NEBL: variants seen among roughly 807,000 people sequenced by gnomAD.
The protein encoded by NEBL is LIM and SH3 protein 2.
Under a neutral mutation model 140.2 loss-of-function variants are expected in NEBL, and 122 were observed. The ratio of observed to expected loss-of-function variants is 0.87; its 90% CI spans 0.75 to 1.01. The LOEUF is 1.01. Ranked by LOEUF, NEBL falls within the 50% of genes least tolerant of loss-of-function variation. The pLI, the probability that NEBL is intolerant of heterozygous loss-of-function variation, is 0.00. For synonymous variants in NEBL, 436 were observed against 398.9 expected, an observed-to-expected ratio of 1.09 and a Z score of -1.11; for missense variants, 1,365 against 1,231.3, an observed-to-expected ratio of 1.11 and a Z score of -1.62.
intron 4 of NEBL, among the ~76,000 whole-genome samples, chr10:20,927,192 A>G (rs74120528): frequency 0.019 from 2,905 of 152,256 alleles, 83 homozygotes; most frequent in African/African-American, 0.065. Flanking sequence ...AGAAGAATAA[A>G]AGGAATGGAC....
intron 24 of NEBL, 35 bp from the exon 25 acceptor site, chr10:20,809,933 G>C: frequency 6.2e-6 from 5 of 808,182 alleles, no homozygotes; most frequent in Non-Finnish European, 9.3e-6. Flanking sequence ...CACTCATCAA[G>C]AAGGAATTTA....
intron 2 of NEBL, among the ~76,000 whole-genome samples, chr10:21,052,704 C>T (rs922927767): frequency 2.0e-5 from 3 of 152,194 alleles, no homozygotes; most frequent in African/African-American, 7.2e-5. Context: ...TCAGGAAGAG[C>T]AGTGCCGCTC....
intron 2 of NEBL, among the ~76,000 whole-genome samples, chr10:21,136,757 C>A (rs188332989): frequency 6.6e-6 from 1 of 152,298 alleles, no homozygotes; most frequent in East Asian, 1.9e-4. Flanking sequence ...CTTCCCAAAC[C>A]AGCAAATATT....
At chr10:20,938,010 G>A (rs918287171) in intron 4 of NEBL, among the ~76,000 whole-genome samples, 9 of 152,316 alleles carry the variant, frequency 5.9e-5, no homozygotes, top group East Asian at 1.9e-4. Context: ...TCCACCTCTC[G>A]GGGCAGGGCA....
intron 3 of NEBL, among the ~76,000 whole-genome samples, chr10:21,188,263 C>T (rs555931715): frequency 1.3e-5 from 2 of 152,282 alleles, no homozygotes; most frequent in South Asian, 4.1e-4. Context: ...AAGCTCCCTA[C>T]ATGCCCAATC....
At chr10:20,806,340 C>T (rs975245459) in intron 26 of NEBL, among the ~76,000 whole-genome samples, 17 of 152,282 alleles carry the variant, frequency 1.1e-4, no homozygotes, top group East Asian at 3.9e-4. Context: ...AAACTGACCT[C>T]GGGTGCGGCC....
At chr10:20,866,891 A>G (rs1283137462) in intron 7 of NEBL, among the ~76,000 whole-genome samples, 1 of 152,006 alleles carries the variant, frequency 6.6e-6, no homozygotes, top group Non-Finnish European at 1.5e-5. Context: ...CCCTTTTTCT[A>G]CTGAGCCGTT....
intron 3 of NEBL, among the ~76,000 whole-genome samples, chr10:21,219,348 C>T (rs757336731): frequency 9.9e-5 from 15 of 152,144 alleles, no homozygotes; most frequent in African/African-American, 2.9e-4. Context: ...ATGTATATTT[C>T]GGAGGCTAAA....
At chr10:21,201,544 A>G (rs1479482399) in intron 3 of NEBL, among the ~76,000 whole-genome samples, 1 of 152,260 alleles carries the variant, frequency 6.6e-6, no homozygotes, top group Non-Finnish European at 1.5e-5. Flanking sequence ...TACAAAAATT[A>G]TAAACACAAA....
chr10:20,809,817 T>TC lies in NEBL; in HGVS notation c.2599_2600insG (p.His867ArgfsTer5). ...AAAGTGAGTAATACCAGAGAGCATA[T>TC]GGAGACTTCTAGACTGAATATTGTC... is the stretch of plus-strand genomic sequence containing the variant. On this transcript the variant is annotated frameshift_variant, in exon 25 of 28. Coordinates refer to ENST00000377122, the MANE Select transcript of NEBL (RefSeq NM_006393.3). LOFTEE classifies it high-confidence loss of function. The TC allele has an allele frequency of 6.2e-7, 1 of 1,608,658 alleles. No homozygotes were observed. The highest frequency in any genetic ancestry group is 1.7e-5 in the Admixed American group (1 of 59,962).
intron 1 of NEBL, among the ~76,000 whole-genome samples, chr10:21,262,660 C>T (rs1417267652): frequency 2.0e-5 from 3 of 152,138 alleles, no homozygotes; most frequent in African/African-American, 7.2e-5. Context: ...CCAGAAAAGC[C>T]TCATTTCCAA....
rs371760760 is a variant in NEBL at position 20,830,912 on chromosome 10, T to TAAAA, written c.1671+280_1671+283dup. On this transcript the variant is annotated intron_variant, in intron 16 of 27. Transcript: ENST00000377122. ...GAGTGAGACCTCCATCTCTAAAATTTAAAAAAAAAAAAAAAAAAAAAAAGG... is the reference window on the plus strand; with the variant it reads ...GAGTGAGACCTCCATCTCTAAAATTTAAAAAAAAAAAAAAAAAAAAAAAAAAAGG... Among the ~76,000 whole-genome samples, 8,494 of 91,930 alleles carry TAAAA rather than the reference T, an allele frequency of 0.092. 328 individuals carry two copies. The highest frequency in any genetic ancestry group is 0.14 in the Middle Eastern group (20 of 148). The allele number at this position is 91,930 out of a possible 152,430, so 60.3% of individuals were successfully genotyped here. A position where few individuals can be genotyped will look rare whatever the true frequency, so the allele number is the denominator to read the frequency against.
chr10:21,088,673 C>T (rs563954454), intron 2 of NEBL, among the ~76,000 whole-genome samples: 1 of 152,294 alleles, frequency 6.6e-6, no homozygotes, highest in Non-Finnish European at 1.5e-5. Context: ...GTGCAGGCAT[C>T]AGATGCACAC....
intron 1 of NEBL, among the ~76,000 whole-genome samples, chr10:21,266,870 C>T (rs370474122): frequency 6.6e-6 from 1 of 152,138 alleles, no homozygotes; most frequent in African/African-American, 2.4e-5. Flanking sequence ...CTCTGCCTCC[C>T]GGGTTCAAGC....
At chr10:21,046,792 T>C (rs557190289) in intron 2 of NEBL, among the ~76,000 whole-genome samples, 1 of 152,200 alleles carries the variant, frequency 6.6e-6, no homozygotes, top group East Asian at 1.9e-4. Context: ...TTAGTAGAGA[T>C]GGGGTTTCAC....
intron 12 of NEBL, among the ~76,000 whole-genome samples, chr10:20,843,793 T>C (rs563746794): frequency 6.6e-6 from 1 of 152,226 alleles, no homozygotes; most frequent in Admixed American, 6.5e-5. Context: ...AATTAGCATA[T>C]CCATCACCTC....
chr10:20,850,323 C>T lies in NEBL; in HGVS notation c.1116+72G>A, dbSNP rs140427634. ...CACTCTTCCTTCCAGACCCACTGAACATTCTGCGTCCTTTCAAATGACAAA... is the reference window on the plus strand; with the variant it reads ...CACTCTTCCTTCCAGACCCACTGAATATTCTGCGTCCTTTCAAATGACAAA... On this transcript the variant is annotated intron_variant, in intron 11 of 27. Transcript: ENST00000377122. 2,379 of 1,236,260 alleles carry T rather than the reference C, an allele frequency of 1.9e-3. 44 individuals carry two copies. In the Admixed American group the frequency reaches 0.022, roughly 11 times the overall value. The allele number at this position is 1,236,260 out of a possible 1,614,324, so 76.6% of individuals were successfully genotyped here. A position where few individuals can be genotyped will look rare whatever the true frequency, so the allele number is the denominator to read the frequency against.
intron 4 of NEBL, among the ~76,000 whole-genome samples, chr10:20,902,402 GTC>G (rs1391973076): frequency 1.6e-5 from 1 of 63,378 alleles, no homozygotes; most frequent in East Asian, 3.4e-4. Context: ...CAAAGACACT[GTC>G]TCAAAAAAAA....
Position 21,151,826 on chromosome 10 carries a change from C to A in NEBL, c.164+20557G>T, listed in dbSNP as rs933377300. On this transcript the variant is annotated intron_variant, in intron 2 of 6. Coordinates refer to the NEBL transcript ENST00000417816. ...TTGCAAACTCTCCTCCAACCCCCTG[C>A]CCAACCAAGTGAAACTTATCTCTTC... Among the ~76,000 whole-genome samples, 6 of 152,190 alleles carry A rather than the reference C, an allele frequency of 3.9e-5. No homozygotes were observed. The East Asian group carries it at 9.6e-4, about 24-fold the overall frequency.
Sources: gnomAD v4.1 joint callset for allele counts (sites outside exome capture counted in the v4.1 genomes callset) on GRCh38, gnomAD v4.1.1 for gene constraint, MANE v1.5 for transcripts, NCBI Gene and HGNC (gene_info 2026-07-23, HGNC 2026-07-21) for gene names.